Variants in SAMD3 observed in about 807,000 individuals in gnomAD.
SAMD3 encodes sterile alpha motif domain-containing protein 3.
Under a neutral mutation model 58.5 loss-of-function variants are expected in SAMD3, and 63 were observed. That is an observed-to-expected ratio of 1.08 (90% CI 0.88 to 1.33). The LOEUF is 1.33. SAMD3 is among the 40% of genes most tolerant of loss of function. The pLI is 0.00. For missense variants in SAMD3, 604 were observed against 608.4 expected, an observed-to-expected ratio of 0.99 and a Z score of 0.08; for synonymous variants, 220 against 210.3, an observed-to-expected ratio of 1.05 and a Z score of -0.40.
chr6:130,198,108 A>G (rs975730753), intron 5 of SAMD3, among the ~76,000 whole-genome samples: 1 of 152,024 alleles, frequency 6.6e-6, no homozygotes, highest in Non-Finnish European at 1.5e-5. Context: ...GCCCCACCCC[A>G]TCTCTCTTCG....
At chr6:130,337,536 C>T (rs1337854384) in intron 1 of SAMD3, among the ~76,000 whole-genome samples, 1 of 152,150 alleles carries the variant, frequency 6.6e-6, no homozygotes, top group South Asian at 2.1e-4. Context: ...AATGTGGAAG[C>T]AACTTTGGGT....
At chr6:130,294,262 C>T (rs919801278) in intron 2 of SAMD3, among the ~76,000 whole-genome samples, 19 of 152,256 alleles carry the variant, frequency 1.2e-4, no homozygotes, top group Admixed American at 8.5e-4. Context: ...TTATACTAGA[C>T]TTCAAAAGGC....
intron 2 of SAMD3, among the ~76,000 whole-genome samples, chr6:130,294,247 A>G (rs1159286474): frequency 2.0e-5 from 3 of 152,204 alleles, no homozygotes; most frequent in African/African-American, 7.2e-5. Flanking sequence ...GCTATGCCAT[A>G]CTTATTATAC....
At chr6:130,307,209 G>A (rs1407894291) in intron 2 of SAMD3, among the ~76,000 whole-genome samples, 1 of 152,250 alleles carries the variant, frequency 6.6e-6, no homozygotes, top group Non-Finnish European at 1.5e-5. Flanking sequence ...TACATGGGGT[G>A]AATGCAGTTG....
intron 2 of SAMD3, among the ~76,000 whole-genome samples, chr6:130,283,268 A>C (rs1453324435): frequency 6.6e-6 from 1 of 152,222 alleles, no homozygotes; most frequent in East Asian, 1.9e-4. Context: ...GAAGGTTAGA[A>C]TGAGAGCCAC....
At chr6:130,194,731 C>A (rs1582877088) in intron 5 of SAMD3, among the ~76,000 whole-genome samples, 5 of 152,214 alleles carry the variant, frequency 3.3e-5, no homozygotes, top group African/African-American at 1.2e-4. Flanking sequence ...ACTCACTTGG[C>A]AACCACTCCC....
At chr6:130,333,059 G>A (rs1347208600) in intron 1 of SAMD3, among the ~76,000 whole-genome samples, 2 of 62,384 alleles carry the variant, frequency 3.2e-5, no homozygotes, top group Admixed American at 1.9e-4. Context: ...GTGTGTGTGT[G>A]TGTGTGTGTG....
At chr6:130,231,588 G>T (rs1796552151) in intron 2 of SAMD3, among the ~76,000 whole-genome samples, 1 of 151,486 alleles carries the variant, frequency 6.6e-6, no homozygotes, top group Non-Finnish European at 1.5e-5. Flanking sequence ...AATAAAAAAA[G>T]TAATTTTTAA....
chr6:130,311,799 C>T (rs746694461), intron 2 of SAMD3, among the ~76,000 whole-genome samples: 1 of 152,110 alleles, frequency 6.6e-6, no homozygotes, highest in African/African-American at 2.4e-5. Flanking sequence ...TCCTAGAGGA[C>T]CTTCCACACA....
intron 1 of SAMD3, among the ~76,000 whole-genome samples, chr6:130,342,977 TTAAG>T (rs1777318624): frequency 3.3e-5 from 5 of 152,172 alleles, no homozygotes; most frequent in South Asian, 4.2e-4. Flanking sequence ...CTAAAATGAG[TTAAG>T]TAAGTCATTT....
At chr6:130,175,750 G>A in intron 8 of SAMD3, 91 bp downstream of exon 8, 1 of 866,016 alleles carries the variant, frequency 1.2e-6, no homozygotes, top group Admixed American at 2.5e-5. Flanking sequence ...ATCTTATTTT[G>A]TTTTAATTAT....
chr6:130,147,357 A>G (rs1225407854), intron 9 of SAMD3, among the ~76,000 whole-genome samples: 1 of 152,212 alleles, frequency 6.6e-6, no homozygotes, highest in Non-Finnish European at 1.5e-5. Context: ...TTACCAGGCA[A>G]CCCACAGTGG....
chr6:130,160,313 C>T (rs1790177034), intron 8 of SAMD3: 1 of 152,182 alleles, frequency 6.6e-6, no homozygotes, highest in South Asian at 2.1e-4. Flanking sequence ...ATAAACTACA[C>T]TCAACTGAAC....
chr6:130,321,491 G>A (rs1776582793), intron 1 of SAMD3, among the ~76,000 whole-genome samples: 2 of 152,150 alleles, frequency 1.3e-5, no homozygotes, highest in African/African-American at 4.8e-5. Flanking sequence ...GTTATTTTAA[G>A]CTGCTAAACC....
At chr6:130,167,246 A>G (rs1046615967) in intron 8 of SAMD3, among the ~76,000 whole-genome samples, 6 of 152,226 alleles carry the variant, frequency 3.9e-5, no homozygotes, top group African/African-American at 1.4e-4. Context: ...ATGACAGAAC[A>G]CATTCTGGAA....
At chr6:130,319,600 G>T (rs933371824) in intron 1 of SAMD3, among the ~76,000 whole-genome samples, 11 of 152,106 alleles carry the variant, frequency 7.2e-5, no homozygotes, top group Non-Finnish European at 1.5e-5. Flanking sequence ...TTAATCACCA[G>T]CAGACCCTGC....
At chr6:130,144,023 A>G (rs541250410), downstream of SAMD3, 2 of 154,174 alleles carry the variant, frequency 1.3e-5, no homozygotes, top group South Asian at 4.1e-4. Context: ...ATTAAAGACA[A>G]CCAGATCTCC....
chr6:130,265,948 A>G lies in SAMD3; in HGVS notation c.-187-43135T>C, dbSNP rs112705125. 8.2e-3 allele frequency among the ~76,000 whole-genome samples: 1,245 copies of G among 152,316 alleles called. 18 individuals carry two copies. Among genetic ancestry groups the G allele is most frequent in the African/African-American group, 0.029 (1,190 of 41,574 alleles). ...AAAAATAAATGTGGATACTGGTCTC[A>G]TGTCATTTAGGCTACTTGGATTAAA... On this transcript the variant is annotated intron_variant, in intron 2 of 13. Coordinates refer to the SAMD3 transcript ENST00000368134.
At chr6:130,313,333 G>A (rs1298543491) in intron 1 of SAMD3, among the ~76,000 whole-genome samples, 1 of 152,082 alleles carries the variant, frequency 6.6e-6, no homozygotes, top group African/African-American at 2.4e-5. Context: ...CAGCATCCCT[G>A]GTGTCTATCC....
Sources: gnomAD v4.1 joint callset for allele counts (sites outside exome capture counted in the v4.1 genomes callset) on GRCh38, gnomAD v4.1.1 for gene constraint, MANE v1.5 for transcripts, NCBI Gene and HGNC (gene_info 2026-07-23, HGNC 2026-07-21) for gene names.